The following LRMDA variants were observed in gnomAD, a reference collection of about 807,000 sequenced individuals.
LRMDA encodes the protein leucine rich melanocyte differentiation associated.
A neutral mutation model predicts 29.8 loss-of-function variants in LRMDA; 18 were observed. The ratio of observed to expected loss-of-function variants is 0.60; its 90% CI spans 0.42 to 0.90. LRMDA has a LOEUF of 0.90. Among genes scored for constraint, LRMDA ranks in the 40% least tolerant of loss-of-function variants. LRMDA has a pLI of 0.00. For synonymous variants in LRMDA, 125 were observed against 109.4 expected (o/e 1.14, Z -0.89); for missense variants, 273 against 273.9 (o/e 1.00, Z 0.02).
intron 5 of LRMDA, among the ~76,000 whole-genome samples, chr10:76,086,902 G>A (rs1849145511): frequency 6.6e-6 from 1 of 152,190 alleles, no homozygotes; most frequent in Non-Finnish European, 1.5e-5. Context: ...CTGAGTGGGT[G>A]GAGAGGAAGA....
At chr10:75,522,350 G>A (rs1473720792) in intron 2 of LRMDA, among the ~76,000 whole-genome samples, 1 of 152,166 alleles carries the variant, frequency 6.6e-6, no homozygotes, top group Non-Finnish European at 1.5e-5. Flanking sequence ...TCTGGTATAG[G>A]GGTTGCAAAT....
rs1217329599 is a variant in LRMDA at position 75,841,146 on chromosome 10, G to A, written c.132-194862G>A. On this transcript the variant is annotated intron_variant, in intron 2 of 6. Coordinates refer to ENST00000611255, the MANE Select transcript of LRMDA (RefSeq NM_001305581.2). ...GAAGTGTTATTTTAGCTAACATTGA[G>A]CCCACATTCTAAAGGCAACATGCTT... 2.0e-5 allele frequency among the ~76,000 whole-genome samples: 3 copies of A among 152,146 alleles called. No individual in the cohort carries two copies. In the East Asian group the frequency reaches 5.8e-4, roughly 29 times the overall value.
At chr10:75,856,540 A>G (rs1470421030) in intron 2 of LRMDA, among the ~76,000 whole-genome samples, 1 of 152,256 alleles carries the variant, frequency 6.6e-6, no homozygotes, top group Non-Finnish European at 1.5e-5. Flanking sequence ...ATGCAAATCA[A>G]TAAACAGAAT....
intron 2 of LRMDA, among the ~76,000 whole-genome samples, chr10:75,861,336 T>C (rs925753405): frequency 2.6e-5 from 4 of 152,118 alleles, no homozygotes; most frequent in African/African-American, 4.8e-5. Flanking sequence ...TTTTACTCAC[T>C]TGGGTGAAAA....
chr10:75,673,890 C>A (rs1032821131), intron 2 of LRMDA, among the ~76,000 whole-genome samples: 10 of 152,158 alleles, frequency 6.6e-5, no homozygotes, highest in Non-Finnish European at 1.0e-4. Context: ...CATTTATTTT[C>A]TCTTTTCCTC....
At chr10:75,440,142 G>A (rs754502891) in intron 2 of LRMDA, among the ~76,000 whole-genome samples, 3 of 150,412 alleles carry the variant, frequency 2.0e-5, no homozygotes, top group African/African-American at 7.4e-5. Flanking sequence ...ACTGGACCTT[G>A]GGAGGTGTGT....
chr10:75,453,295 C>T (rs893065079), intron 2 of LRMDA, among the ~76,000 whole-genome samples: 4 of 152,200 alleles, frequency 2.6e-5, no homozygotes, highest in South Asian at 4.1e-4. Flanking sequence ...GGAGTCTCTA[C>T]CTAGCTGCTG....
chr10:76,316,948 G>A lies in LRMDA; in HGVS notation c.517-7453G>A, dbSNP rs551785780. On this transcript the variant is annotated intron_variant, in intron 5 of 6. Coordinates refer to ENST00000611255, the MANE Select transcript of LRMDA (RefSeq NM_001305581.2). ...TCTTGTCTCAATGCTTTGAGAAGTT[G>A]TCCTGTTAGGTGCTGCAAGGCATTC... is the stretch of plus-strand genomic sequence containing the variant. Among the ~76,000 whole-genome samples, 3 of 152,312 alleles carry A rather than the reference G, an allele frequency of 2.0e-5. No homozygotes were observed. The South Asian group carries it at 6.2e-4, about 32-fold the overall frequency.
chr10:76,152,510 G>GT (rs1850464189), intron 5 of LRMDA, among the ~76,000 whole-genome samples: 2 of 152,092 alleles, frequency 1.3e-5, no homozygotes, highest in East Asian at 3.8e-4. Flanking sequence ...ACGTTTTTGT[G>GT]TGAATATGTT....
At position 75,542,363 on chromosome 10, in the gene LRMDA, G is replaced by A. The variant is rs115787938; in HGVS notation, c.131+103869G>A. Among the ~76,000 whole-genome samples the A allele has an allele frequency of 4.9e-3, 739 of 152,090 alleles. 4 individuals carry two copies. Among genetic ancestry groups the A allele is most frequent in the African/African-American group, 0.017 (713 of 41,478 alleles). ...TAGCTCCATCATTCAGCAAGACAAA[G>A]GAGTGTTTGCACTTTCACAGAGTTA... On this transcript the variant is annotated intron_variant, in intron 2 of 6. Coordinates refer to ENST00000611255, the MANE Select transcript of LRMDA (RefSeq NM_001305581.2).
intron 5 of LRMDA, among the ~76,000 whole-genome samples, chr10:76,248,212 G>A (rs1229872225): frequency 6.6e-6 from 1 of 152,158 alleles, no homozygotes; most frequent in Non-Finnish European, 1.5e-5. Context: ...CTACTGGCAT[G>A]TAGTAGATAT....
intron 2 of LRMDA, among the ~76,000 whole-genome samples, chr10:75,977,997 G>C (rs1389478255): frequency 1.3e-5 from 2 of 152,210 alleles, no homozygotes; most frequent in Admixed American, 6.5e-5. Flanking sequence ...GTTTGGAGGA[G>C]AGTGGTTTAT....
At chr10:76,378,625 G>A (rs369381089) in intron 6 of LRMDA, among the ~76,000 whole-genome samples, 19 of 151,584 alleles carry the variant, frequency 1.3e-4, no homozygotes, top group African/African-American at 2.7e-4. Context: ...TTTTTTCTAC[G>A]TCTATTGAGA....
intron 2 of LRMDA, among the ~76,000 whole-genome samples, chr10:75,730,637 T>C (rs1290517162): frequency 6.6e-6 from 1 of 152,210 alleles, no homozygotes; most frequent in Non-Finnish European, 1.5e-5. Context: ...TAAGCTGGCC[T>C]GGCCTGGGTT....
intron 2 of LRMDA, among the ~76,000 whole-genome samples, chr10:75,634,349 G>A (rs2132115044): frequency 6.6e-6 from 1 of 152,334 alleles, no homozygotes; most frequent in East Asian, 1.9e-4. Flanking sequence ...CCTGCCCTAA[G>A]TTTACAATTT....
intron 2 of LRMDA, among the ~76,000 whole-genome samples, chr10:76,000,456 A>G (rs1254016840): frequency 6.6e-6 from 1 of 152,134 alleles, no homozygotes; most frequent in Non-Finnish European, 1.5e-5. Context: ...CCCCTGGATG[A>G]TGGAGAAGTC....
chr10:76,116,425 GGT>G (rs1445432333), intron 5 of LRMDA, among the ~76,000 whole-genome samples: 4 of 152,134 alleles, frequency 2.6e-5, no homozygotes, highest in Non-Finnish European at 5.9e-5. Context: ...GTTCAGAGAA[GGT>G]AATGACTTGC....
chr10:76,467,933 G>A (rs886632015), intron 6 of LRMDA, among the ~76,000 whole-genome samples: 8 of 152,144 alleles, frequency 5.3e-5, no homozygotes, highest in Non-Finnish European at 1.2e-4. Flanking sequence ...GCTTTTGTAA[G>A]ACTAAATAAA....
In LRMDA at chr10:76,321,519, A is replaced by ATTCC. The variant is rs1263596151; in HGVS notation, c.517-2880_517-2879insCCTT. 3.8e-3 allele frequency among the ~76,000 whole-genome samples: 543 copies of ATTCC among 143,784 alleles called. 3 individuals carry two copies. The highest frequency in any genetic ancestry group is 2.4e-3 in the Non-Finnish European group (165 of 67,410). 94.3% of individuals were successfully genotyped at this position (143,784 alleles called of 152,430 possible). A position where few individuals can be genotyped will look rare whatever the true frequency, so the allele number is the denominator to read the frequency against. On this transcript the variant is annotated intron_variant, in intron 5 of 6. Coordinates refer to ENST00000611255, the MANE Select transcript of LRMDA (RefSeq NM_001305581.2). The stretch of plus-strand genomic sequence containing the variant: ...ATTTCCTTTGTCTATTTTTCTATTG[A>ATTCC]TTTAAAGACATTCTTTTTTTTTTTT...
Sources: allele counts gnomAD v4.1 joint callset (sites outside exome capture counted in the v4.1 genomes callset), GRCh38; gene constraint gnomAD v4.1.1; transcripts MANE v1.5; gene names NCBI Gene and HGNC (gene_info 2026-07-23, HGNC 2026-07-21).